The following CLMN variants were observed in gnomAD, a reference collection of about 807,000 sequenced individuals.
CLMN encodes the protein calmin.
Under a neutral mutation model 92.7 loss-of-function variants are expected in CLMN, and 57 were observed. That is an observed-to-expected ratio of 0.61 (90% CI 0.50 to 0.77). CLMN has a LOEUF of 0.77. Among genes scored for constraint, CLMN ranks in the 30% least tolerant of loss-of-function variants. The pLI, the probability that CLMN is intolerant of heterozygous loss-of-function variation, is 0.00. For missense variants in CLMN, 1,158 were observed against 1,237.5 expected (o/e 0.94, Z 0.96); for synonymous variants, 466 against 470.6 (o/e 0.99, Z 0.13).
intron 1 of CLMN, among the ~76,000 whole-genome samples, chr14:95,241,300 C>T (rs1479044622): frequency 1.3e-5 from 2 of 151,980 alleles, no homozygotes; most frequent in South Asian, 4.2e-4. Flanking sequence ...ACATTTGGGG[C>T]TCAAACTGGG....
At chr14:95,214,968 A>G (rs1349857372) in intron 5 of CLMN, among the ~76,000 whole-genome samples, 3 of 152,192 alleles carry the variant, frequency 2.0e-5, no homozygotes, top group African/African-American at 7.2e-5. Context: ...TCCTTCTGAC[A>G]GGGAAATGAA....
intron 1 of CLMN, among the ~76,000 whole-genome samples, chr14:95,245,675 G>C (rs1595053769): frequency 6.9e-6 from 1 of 144,794 alleles, no homozygotes; most frequent in South Asian, 2.3e-4. Flanking sequence ...TGGATAGATG[G>C]ATGGGTGGGT....
chr14:95,262,201 G>C (rs1899284852), intron 1 of CLMN, among the ~76,000 whole-genome samples: 1 of 152,222 alleles, frequency 6.6e-6, no homozygotes, highest in Admixed American at 6.5e-5. Context: ...CTGGGCTCCA[G>C]GGGACTCTCA....
chr14:95,316,614 T>C (rs1901784416), intron 1 of CLMN, among the ~76,000 whole-genome samples: 1 of 152,236 alleles, frequency 6.6e-6, no homozygotes, highest in African/African-American at 2.4e-5. Flanking sequence ...AATCCTACAG[T>C]TCAGCGTGAG....
Position 95,209,470 on chromosome 14 carries a change from C to G in CLMN, c.810G>C (p.Met270Ile), listed in dbSNP as rs763715164. Residue 270 changes from methionine (M) to isoleucine (I), a missense_variant, in exon 8 of 13, where the codon ATG (methionine) becomes ATC (isoleucine). Met to Ile is a conservative substitution (Grantham distance 10). Transcript: ENST00000298912. ...IPRLLEPEDI[M>I]VDTPDEQSIM... ...TAGACTGCTCGTCTGGTGTGTCAAC[C>G]ATGATGTCTGTCGAGAGAGACACAG... The G allele has an allele frequency of 2.5e-6, 4 of 1,613,908 alleles. No individual in the cohort carries two copies. The South Asian group carries it at 3.3e-5, about 13-fold the overall frequency.
intron 1 of CLMN, among the ~76,000 whole-genome samples, chr14:95,289,892 T>C (rs1207483555): frequency 6.6e-6 from 1 of 152,204 alleles, no homozygotes; most frequent in Non-Finnish European, 1.5e-5. Flanking sequence ...GGGGCCAGCT[T>C]GTCACCTCCC....
At chr14:95,196,344 C>CCCAG (rs1401272447) in intron 10 of CLMN, among the ~76,000 whole-genome samples, 154 bp downstream of exon 10, 36 of 152,192 alleles carry the variant, frequency 2.4e-4, no homozygotes, top group African/African-American at 8.2e-4. Flanking sequence ...GGTCGGGGAA[C>CCCAG]CCAGGTGTAG....
chr14:95,258,019 T>C (rs1436083402), intron 1 of CLMN, among the ~76,000 whole-genome samples: 3 of 151,196 alleles, frequency 2.0e-5, no homozygotes, highest in Non-Finnish European at 4.4e-5. Context: ...ATGTGGGGGC[T>C]GTGGGCATGA....
Position 95,319,832 on chromosome 14 carries a change from C to CGGCGGGCGCGGAGAGCCTGTCT in CLMN, c.-41_-40insAGACAGGCTCTCCGCGCCCGCC. ...AGAGCCCGGGCCAGCGCGGCGCGGGCGGCGGGCGCGGAGAGCCTGGCTGGC... is the reference window on the plus strand; with the variant it reads ...AGAGCCCGGGCCAGCGCGGCGCGGGCGGCGGGCGCGGAGAGCCTGTCTGGCGGGCGCGGAGAGCCTGGCTGGC... On this transcript the variant is annotated 5_prime_UTR_variant, in exon 1 of 13. Coordinates refer to ENST00000298912, the MANE Select transcript of CLMN (RefSeq NM_024734.4). 8.0e-7 allele frequency: 1 copy of CGGCGGGCGCGGAGAGCCTGTCT among 1,244,528 alleles called. No individual in the cohort carries two copies. Among genetic ancestry groups the CGGCGGGCGCGGAGAGCCTGTCT allele is most frequent in the Non-Finnish European group, 1.0e-6 (1 of 982,298 alleles). 77.1% of individuals were successfully genotyped at this position (1,244,528 alleles called of 1,614,324 possible). A position where few individuals can be genotyped will look rare whatever the true frequency, so the allele number is the denominator to read the frequency against.
intron 5 of CLMN, among the ~76,000 whole-genome samples, chr14:95,213,786 C>T (rs1203043369): frequency 6.6e-6 from 1 of 152,124 alleles, no homozygotes; most frequent in Admixed American, 6.5e-5. Context: ...TCTGCTCATC[C>T]TGCCCTTGCT....
At chr14:95,196,987 C>T (rs1896734945) in intron 9 of CLMN, among the ~76,000 whole-genome samples, 1 of 152,202 alleles carries the variant, frequency 6.6e-6, no homozygotes, top group Admixed American at 6.5e-5. Context: ...AGCTCTGTGA[C>T]CTTGAGTGAC....
intron 5 of CLMN, among the ~76,000 whole-genome samples, chr14:95,214,070 C>T (rs1237835297): frequency 1.3e-5 from 2 of 151,936 alleles, no homozygotes; most frequent in African/African-American, 4.8e-5. Flanking sequence ...AGCTAGCTGC[C>T]CCTGCTTGGA....
At chr14:95,316,808 C>A (rs1397745124) in intron 1 of CLMN, among the ~76,000 whole-genome samples, 2 of 152,168 alleles carry the variant, frequency 1.3e-5, no homozygotes, top group Non-Finnish European at 2.9e-5. Flanking sequence ...AGGATCACCC[C>A]ATCCCAGGGC....
chr14:95,311,344 T>G (rs927573698), intron 1 of CLMN, among the ~76,000 whole-genome samples: 1 of 152,244 alleles, frequency 6.6e-6, no homozygotes, highest in Admixed American at 6.5e-5. Context: ...CCTGGCTGCA[T>G]GGAGAACCCC....
At chr14:95,308,119 A>G (rs539004279) in intron 1 of CLMN, among the ~76,000 whole-genome samples, 3 of 152,286 alleles carry the variant, frequency 2.0e-5, no homozygotes, top group Admixed American at 2.0e-4. Flanking sequence ...TCATCTCCTC[A>G]ATTTCTTCAG....
Position 95,191,490 on chromosome 14 carries a change from C to G in CLMN, c.*74G>C, listed in dbSNP as rs572348901. On this transcript the variant is annotated 3_prime_UTR_variant, in exon 13 of 13. Coordinates refer to ENST00000298912, the MANE Select transcript of CLMN (RefSeq NM_024734.4). The surrounding 1 kb of genome is among the most constrained non-coding windows in gnomAD (Gnocchi z 5.3). ...CAACTGTCTGTAGAAGTGCCCCACC[C>G]AGAACCCAAAATAAAATGAAGTAAC... 5 of 1,386,410 alleles carry G rather than the reference C, an allele frequency of 3.6e-6. No individual in the cohort carries two copies. In the African/African-American group the frequency reaches 7.3e-5, roughly 20 times the overall value. 85.9% of individuals were successfully genotyped at this position (1,386,410 alleles called of 1,614,324 possible).
chr14:95,222,334 C>T (rs1362729647), intron 3 of CLMN: 3 of 245,648 alleles, frequency 1.2e-5, no homozygotes, highest in Admixed American at 1.0e-4. Context: ...AAGAAAGAGA[C>T]GTCTGCAGAA....
intron 1 of CLMN, chr14:95,260,573 C>G (rs560280059): frequency 6.6e-6 from 1 of 152,308 alleles, no homozygotes; most frequent in East Asian, 1.9e-4. Flanking sequence ...CTTCAGGGAG[C>G]TTGTGATTTT....
At chr14:95,275,690 T>C (rs1003732396) in intron 1 of CLMN, among the ~76,000 whole-genome samples, 1 of 152,228 alleles carries the variant, frequency 6.6e-6, no homozygotes, top group Non-Finnish European at 1.5e-5. Context: ...CTGAAACAGT[T>C]TCACTTTCAT....
Sources: gnomAD v4.1 joint callset for allele counts (sites outside exome capture counted in the v4.1 genomes callset) on GRCh38, gnomAD v4.1.1 for gene constraint, Gnocchi (gnomAD v3.1) non-coding constraint, MANE v1.5 for transcripts, NCBI Gene and HGNC (gene_info 2026-07-23, HGNC 2026-07-21) for gene names.